The following RANBP2 variants were observed in gnomAD, a reference collection of about 807,000 sequenced individuals.
RANBP2 encodes RAN binding protein 2.
Under a neutral mutation model 303.6 loss-of-function variants are expected in RANBP2, and 57 were observed. The observed-to-expected ratio is 0.19, with a 90% CI of 0.15 to 0.23. RANBP2 has a LOEUF of 0.23. Among genes scored for constraint, RANBP2 ranks in the 10% least tolerant of loss-of-function variants. The probability of loss-of-function intolerance (pLI) is 1.00; values close to 1 mark genes in which losing one functional copy is unlikely to be tolerated. For missense variants in RANBP2, 3,138 were observed against 3,780.8 expected, an observed-to-expected ratio of 0.83 and a Z score of 4.46; for synonymous variants, 1,167 against 1,301.5, an observed-to-expected ratio of 0.90 and a Z score of 2.23.
At chr2:109,252,742 C>T in the RANBP2 span, among the ~76,000 whole-genome samples, 1 of 152,164 alleles carries the variant, frequency 6.6e-6, no homozygotes, top group Non-Finnish European at 1.5e-5. Context: ...TGTAATCAGC[C>T]TACAGTTGGG....
chr2:109,391,109 C>T, the RANBP2 span, among the ~76,000 whole-genome samples: 3 of 152,232 alleles, frequency 2.0e-5, no homozygotes, highest in African/African-American at 4.8e-5. Flanking sequence ...AAACCATTCG[C>T]TCCGACTCCC....
At chr2:109,612,983 G>A in the RANBP2 span, 1 of 445,100 alleles carries the variant, frequency 2.2e-6, no homozygotes, top group African/African-American at 2.0e-5. Flanking sequence ...TTGGTCTCCA[G>A]CCTCCAAAGA....
chr2:109,626,417 T>C, the RANBP2 span, among the ~76,000 whole-genome samples: 1 of 151,920 alleles, frequency 6.6e-6, no homozygotes, highest in African/African-American at 2.4e-5. Context: ...TAGAGTGAGC[T>C]GAGATTCCGC....
the RANBP2 span, among the ~76,000 whole-genome samples, chr2:109,525,777 G>A: frequency 3.3e-5 from 5 of 152,264 alleles, no homozygotes; most frequent in Non-Finnish European, 4.4e-5. Context: ...TCATTGATGC[G>A]TTTCCTACTT....
chr2:109,434,837 CTCAATAAATGCAGATCGAA>C, the RANBP2 span, among the ~76,000 whole-genome samples: 5 of 152,222 alleles, frequency 3.3e-5, no homozygotes, highest in African/African-American at 9.6e-5. Flanking sequence ...ATACGAGGTG[CTCAATAAATGCAGATCGAA>C]TCAATAAAAG....
At chr2:108,811,247 C>CTTTTTTTTTTTTTTTTTTTTTTTTTTTT in the RANBP2 span, among the ~76,000 whole-genome samples, 4 of 113,904 alleles carry the variant, frequency 3.5e-5, no homozygotes, top group African/African-American at 7.6e-5. Context: ...TTCTCTCTCT[C>CTTTTTTTTTTTTTTTTTTTTTTTTTTTT]TTTTTTTTTT....
At chr2:109,487,761 T>G in the RANBP2 span, among the ~76,000 whole-genome samples, 4 of 152,114 alleles carry the variant, frequency 2.6e-5, no homozygotes, top group South Asian at 8.3e-4. Context: ...ACCGAGTCCC[T>G]CTCTACTCAG....
At chr2:109,116,587 T>C in the RANBP2 span, among the ~76,000 whole-genome samples, 4 of 152,380 alleles carry the variant, frequency 2.6e-5, no homozygotes, top group East Asian at 7.7e-4. Flanking sequence ...TTTCCTTCTG[T>C]AGCTCAGAGT....
At chr2:108,943,411 T>C in the RANBP2 span, among the ~76,000 whole-genome samples, 5 of 152,226 alleles carry the variant, frequency 3.3e-5, no homozygotes, top group Non-Finnish European at 7.3e-5. Flanking sequence ...TATGTATGAA[T>C]GGGATACAGA....
chr2:108,972,199 T>G, the RANBP2 span, among the ~76,000 whole-genome samples: 1 of 152,260 alleles, frequency 6.6e-6, no homozygotes, highest in Non-Finnish European at 1.5e-5. Flanking sequence ...AGTCATTTAT[T>G]ACACAGCACA....
the RANBP2 span, among the ~76,000 whole-genome samples, chr2:109,104,180 A>G: frequency 6.6e-6 from 1 of 152,176 alleles, no homozygotes; most frequent in African/African-American, 2.4e-5. Flanking sequence ...ATTTGGGGGT[A>G]AAATGCTTTG....
At chr2:109,367,097 C>T in the RANBP2 span, among the ~76,000 whole-genome samples, 1 of 149,052 alleles carries the variant, frequency 6.7e-6, no homozygotes, top group African/African-American at 2.5e-5. Context: ...GGATTACAGG[C>T]ATATGCCACT....
At chr2:109,674,996 G>T in the RANBP2 span, among the ~76,000 whole-genome samples, 2 of 151,948 alleles carry the variant, frequency 1.3e-5, no homozygotes, top group South Asian at 2.1e-4. Context: ...TAGAGACAGG[G>T]TTTCTCTCTG....
the RANBP2 span, among the ~76,000 whole-genome samples, chr2:109,112,125 T>C: frequency 6.6e-6 from 1 of 151,536 alleles, no homozygotes; most frequent in Non-Finnish European, 1.5e-5. Context: ...CAGCATGATT[T>C]ATAGTCCTTT....
the RANBP2 span, among the ~76,000 whole-genome samples, chr2:108,950,039 C>T: frequency 1.3e-5 from 2 of 152,142 alleles, no homozygotes; most frequent in Non-Finnish European, 2.9e-5. Flanking sequence ...TCACTGAGTG[C>T]GGCCTGGGCA....
the RANBP2 span, among the ~76,000 whole-genome samples, chr2:109,086,449 G>C: frequency 6.6e-6 from 1 of 152,190 alleles, no homozygotes; most frequent in Non-Finnish European, 1.5e-5. Context: ...ATTGGTGGGG[G>C]TCTCGTTTTA....
chr2:109,763,232 T>C, the RANBP2 span, among the ~76,000 whole-genome samples: 521 of 150,346 alleles, frequency 3.5e-3, 23 homozygotes, highest in Admixed American at 7.2e-3. Context: ...TAACATTTGC[T>C]GAACACGTAT....
At chr2:109,424,832 G>A in the RANBP2 span, among the ~76,000 whole-genome samples, 6 of 152,268 alleles carry the variant, frequency 3.9e-5, no homozygotes, top group East Asian at 3.9e-4. Context: ...AGGCCTTTTA[G>A]TAACGCTAAG....
chr2:109,009,156 G>A, the RANBP2 span, among the ~76,000 whole-genome samples: 88 of 151,660 alleles, frequency 5.8e-4, no homozygotes, highest in Admixed American at 4.3e-3. Flanking sequence ...TGCCTAACAT[G>A]GTGAAACCCC....
Sources: allele counts gnomAD v4.1 joint callset (sites outside exome capture counted in the v4.1 genomes callset), GRCh38; gene constraint gnomAD v4.1.1; transcripts MANE v1.5; gene names NCBI Gene and HGNC (gene_info 2026-07-23, HGNC 2026-07-21).